KCNIP4: variants seen among roughly 807,000 people sequenced by gnomAD.
KCNIP4 encodes the protein potassium voltage-gated channel interacting protein 4.
A neutral mutation model predicts 34.0 loss-of-function variants in KCNIP4; 12 were observed. The observed-to-expected ratio is 0.35, with a 90% CI of 0.23 to 0.57. The LOEUF is 0.57. Ranked by LOEUF, KCNIP4 falls within the 20% of genes least tolerant of loss-of-function variation. KCNIP4 has a pLI of 0.83. For synonymous variants in KCNIP4, 124 were observed against 102.2 expected, an observed-to-expected ratio of 1.21 and a Z score of -1.29; for missense variants, 238 against 311.7, an observed-to-expected ratio of 0.76 and a Z score of 1.78.
intron 1 of KCNIP4, among the ~76,000 whole-genome samples, chr4:21,811,270 A>G (rs1278114916): frequency 6.6e-6 from 1 of 152,228 alleles, no homozygotes; most frequent in Non-Finnish European, 1.5e-5. Context: ...AAAGATGGAT[A>G]AGAGTAAAAC....
intron 1 of KCNIP4, among the ~76,000 whole-genome samples, chr4:21,219,880 A>C (rs559525643): frequency 6.6e-6 from 1 of 152,324 alleles, no homozygotes; most frequent in Admixed American, 6.5e-5. Context: ...CAGAAAAAGA[A>C]ATATTAAAAA....
chr4:21,852,284 A>G (rs1340844105), intron 1 of KCNIP4: 2 of 152,050 alleles, frequency 1.3e-5, no homozygotes, highest in Non-Finnish European at 2.9e-5. Context: ...CTTTGTCCTC[A>G]TTGAGGTTCT....
At position 21,395,556 on chromosome 4, in the gene KCNIP4, T is replaced by C. The variant is rs531912531; in HGVS notation, c.62-512847A>G. Among the ~76,000 whole-genome samples the C allele has an allele frequency of 2.0e-5, 3 of 152,210 alleles. No homozygotes were observed. The East Asian group carries it at 5.8e-4, about 29-fold the overall frequency. On this transcript the variant is annotated intron_variant, in intron 1 of 8. Transcript: ENST00000382152. The stretch of plus-strand genomic sequence containing the variant: ...AAGCCTTTTTTCCCCCTTTAATCCA[T>C]ATTTTGTCAGTTTAGTTCACAGACC...
chr4:21,392,315 G>C (rs78551647), intron 1 of KCNIP4, among the ~76,000 whole-genome samples: 1 of 149,942 alleles, frequency 6.7e-6, no homozygotes, highest in Non-Finnish European at 1.5e-5. Context: ...CTATTAAGAA[G>C]ATTATAATTA....
chr4:21,682,266 G>A (rs1382222678), intron 1 of KCNIP4, among the ~76,000 whole-genome samples: 1 of 152,080 alleles, frequency 6.6e-6, no homozygotes, highest in Non-Finnish European at 1.5e-5. Flanking sequence ...CCAAGGGGAT[G>A]GTGCTAACCC....
chr4:21,948,310 A>AG (rs929546396), intron 1 of KCNIP4, among the ~76,000 whole-genome samples: 2 of 152,322 alleles, frequency 1.3e-5, no homozygotes, highest in South Asian at 4.1e-4. Context: ...ACAGGATCGC[A>AG]GGGGACCCTG....
At chr4:21,211,922 T>A (rs1421118308) in intron 1 of KCNIP4, among the ~76,000 whole-genome samples, 2 of 150,374 alleles carry the variant, frequency 1.3e-5, no homozygotes, top group Non-Finnish European at 3.0e-5. Flanking sequence ...TTTTCTTTCA[T>A]CACAGGATTT....
At chr4:21,766,471 C>T (rs960810002) in intron 1 of KCNIP4, among the ~76,000 whole-genome samples, 2 of 152,132 alleles carry the variant, frequency 1.3e-5, no homozygotes, top group African/African-American at 4.8e-5. Flanking sequence ...CCCCTTGCCT[C>T]CCCACAGTCT....
intron 1 of KCNIP4, among the ~76,000 whole-genome samples, chr4:21,452,155 A>C (rs115307793): frequency 1.3e-5 from 2 of 152,106 alleles, no homozygotes; most frequent in Non-Finnish European, 2.9e-5. Flanking sequence ...ACAAGATGAT[A>C]ATAAGCCAGA....
chr4:21,065,726 CTATATATATA>C (rs5856598), intron 1 of KCNIP4, among the ~76,000 whole-genome samples: 949 of 86,346 alleles, frequency 0.011, 14 homozygotes, highest in South Asian at 0.028. Context: ...TATCATTTGT[CTATATATATA>C]TATATATATA....
chr4:21,358,446 A>G (rs1250984509), intron 1 of KCNIP4, among the ~76,000 whole-genome samples: 2 of 152,176 alleles, frequency 1.3e-5, no homozygotes, highest in African/African-American at 4.8e-5. Context: ...CATGATTACC[A>G]CAGAGCAATA....
chr4:21,438,888 C>A (rs749176145), intron 1 of KCNIP4, among the ~76,000 whole-genome samples: 2 of 152,090 alleles, frequency 1.3e-5, no homozygotes, highest in Non-Finnish European at 2.9e-5. Flanking sequence ...AAGGACGGGG[C>A]GTGGTGGCTC....
chr4:21,854,285 A>T (rs1217635863), intron 1 of KCNIP4, among the ~76,000 whole-genome samples: 1 of 152,240 alleles, frequency 6.6e-6, no homozygotes, highest in Non-Finnish European at 1.5e-5. Flanking sequence ...CTAAGGCTTC[A>T]TGAAGGAGTT....
At chr4:20,918,643 GT>G (rs1310321781) in intron 1 of KCNIP4, among the ~76,000 whole-genome samples, 1 of 152,146 alleles carries the variant, frequency 6.6e-6, no homozygotes, top group Non-Finnish European at 1.5e-5. Flanking sequence ...AGACAACCAT[GT>G]TTCCTATCTT....
chr4:20,937,606 G>A (rs1398213505), intron 1 of KCNIP4, among the ~76,000 whole-genome samples: 1 of 152,062 alleles, frequency 6.6e-6, no homozygotes, highest in Non-Finnish European at 1.5e-5. Context: ...AAATCAGAAG[G>A]TCATATGAAA....
intron 1 of KCNIP4, among the ~76,000 whole-genome samples, chr4:21,184,955 T>G (rs1338876554): frequency 1.3e-5 from 2 of 152,164 alleles, no homozygotes; most frequent in African/African-American, 4.8e-5. Flanking sequence ...TTCTTCTCCC[T>G]TCCTGAAATA....
chr4:21,371,998 T>C (rs1187869612), intron 1 of KCNIP4, among the ~76,000 whole-genome samples: 2 of 147,208 alleles, frequency 1.4e-5, no homozygotes, highest in Admixed American at 6.6e-5. Flanking sequence ...GGGATCTCCA[T>C]ACTGCTACCA....
chr4:20,918,722 C>T (rs1729095098), intron 1 of KCNIP4, among the ~76,000 whole-genome samples: 1 of 152,186 alleles, frequency 6.6e-6, no homozygotes, highest in Non-Finnish European at 1.5e-5. Context: ...CTGTGTAATA[C>T]ATCATGGGTT....
intron 1 of KCNIP4, among the ~76,000 whole-genome samples, chr4:21,454,244 G>A (rs1007444319): frequency 1.3e-5 from 2 of 152,046 alleles, no homozygotes; most frequent in Non-Finnish European, 2.9e-5. Context: ...TGCTGAACGA[G>A]GTGCTTTAAA....
Sources: allele counts gnomAD v4.1 joint callset (sites outside exome capture counted in the v4.1 genomes callset), GRCh38; gene constraint gnomAD v4.1.1; transcripts MANE v1.5; gene names NCBI Gene and HGNC (gene_info 2026-07-23, HGNC 2026-07-21).